Variants in TBC1D22A observed in about 807,000 individuals in gnomAD.
TBC1D22A encodes TBC1 domain family member 22A.
A neutral mutation model predicts 60.2 loss-of-function variants in TBC1D22A; 38 were observed. The observed-to-expected ratio is 0.63, with a 90% CI of 0.49 to 0.83. The LOEUF (loss-of-function observed/expected upper bound fraction) is 0.83, where lower values mean the gene tolerates loss of function less well. Among genes scored for constraint, TBC1D22A ranks in the 40% least tolerant of loss-of-function variants. TBC1D22A has a pLI of 0.00. For synonymous variants in TBC1D22A, 302 were observed against 281.7 expected, an observed-to-expected ratio of 1.07 and a Z score of -0.72; for missense variants, 628 against 701.0, an observed-to-expected ratio of 0.90 and a Z score of 1.18.
At chr22:46,952,935 C>T (rs1217316512) in intron 8 of TBC1D22A, among the ~76,000 whole-genome samples, 1 of 152,154 alleles carries the variant, frequency 6.6e-6, no homozygotes, top group African/African-American at 2.4e-5. Flanking sequence ...CGAGGGTGGT[C>T]TCGTCTTTGT....
At chr22:46,889,590 A>T (rs5769204) in intron 5 of TBC1D22A, among the ~76,000 whole-genome samples, 1 of 152,062 alleles carries the variant, frequency 6.6e-6, no homozygotes. Context: ...AACCGGAAAC[A>T]ACCGAAATGC....
At chr22:46,779,037 T>C (rs1206761109) in intron 1 of TBC1D22A, among the ~76,000 whole-genome samples, 2 of 152,140 alleles carry the variant, frequency 1.3e-5, no homozygotes, top group Non-Finnish European at 2.9e-5. Flanking sequence ...AGAGCAAAAC[T>C]CTGTCTCAAA....
chr22:47,164,214 C>G (rs1034301284), intron 12 of TBC1D22A, among the ~76,000 whole-genome samples: 4 of 152,222 alleles, frequency 2.6e-5, no homozygotes, highest in African/African-American at 4.8e-5. Context: ...GCAGGCCGTT[C>G]TCATTTGTAC....
intron 12 of TBC1D22A, among the ~76,000 whole-genome samples, chr22:47,155,108 C>T (rs528611131): frequency 5.3e-5 from 8 of 152,200 alleles, no homozygotes; most frequent in South Asian, 2.1e-4. Context: ...AAGTCTCAGC[C>T]GTGTGCCTAG....
chr22:46,861,155 G>T, intron 4 of TBC1D22A, among the ~76,000 whole-genome samples: 1 of 151,808 alleles, frequency 6.6e-6, no homozygotes, highest in East Asian at 1.9e-4. Context: ...ATGGAGTTTC[G>T]CCCTCTTGCC....
chr22:46,957,798 C>T (rs1371559936), intron 8 of TBC1D22A, among the ~76,000 whole-genome samples: 2 of 152,250 alleles, frequency 1.3e-5, no homozygotes, highest in African/African-American at 4.8e-5. Context: ...GATCACACCT[C>T]TTGCAGCCAC....
At chr22:46,957,911 G>A (rs1451850867) in intron 8 of TBC1D22A, among the ~76,000 whole-genome samples, 1 of 152,180 alleles carries the variant, frequency 6.6e-6, no homozygotes, top group Admixed American at 6.5e-5. Context: ...AGATGATGGA[G>A]GGTGGACTGG....
intron 12 of TBC1D22A, among the ~76,000 whole-genome samples, chr22:47,140,624 G>T (rs142594625): frequency 6.3e-4 from 96 of 152,282 alleles, no homozygotes; most frequent in African/African-American, 2.0e-3. Context: ...AGGAGACAAG[G>T]CTCGTTTATC....
At chr22:46,969,261 C>T (rs1342152490) in intron 8 of TBC1D22A, among the ~76,000 whole-genome samples, 1 of 152,100 alleles carries the variant, frequency 6.6e-6, no homozygotes, top group Non-Finnish European at 1.5e-5. Context: ...ATTGACATTC[C>T]CTTTTACTCT....
At chr22:46,767,748 A>G (rs2083334957) in intron 1 of TBC1D22A, among the ~76,000 whole-genome samples, 2 of 152,128 alleles carry the variant, frequency 1.3e-5, no homozygotes, top group South Asian at 4.1e-4. Flanking sequence ...GAACAGGCCA[A>G]CCAGGAGGCT....
At chr22:46,838,889 A>G (rs570370316) in intron 4 of TBC1D22A, among the ~76,000 whole-genome samples, 1 of 152,352 alleles carries the variant, frequency 6.6e-6, no homozygotes, top group East Asian at 1.9e-4. Context: ...AATCAGGTAT[A>G]GAAGGAATGT....
chr22:46,809,408 A>G (rs1219871385), intron 4 of TBC1D22A, among the ~76,000 whole-genome samples: 7 of 152,200 alleles, frequency 4.6e-5, no homozygotes, highest in Admixed American at 3.9e-4. Flanking sequence ...CCCTGTCTCT[A>G]GACACAGTCA....
At chr22:47,058,019 C>G (rs921919308) in intron 11 of TBC1D22A, among the ~76,000 whole-genome samples, 3 of 152,206 alleles carry the variant, frequency 2.0e-5, no homozygotes, top group African/African-American at 4.8e-5. Context: ...AGCGCAGGGC[C>G]TCGACCCCCC....
chr22:46,905,138 G>A (rs2069370100), intron 7 of TBC1D22A, among the ~76,000 whole-genome samples: 1 of 152,230 alleles, frequency 6.6e-6, no homozygotes, highest in South Asian at 2.1e-4. Context: ...AGGCACCACA[G>A]TACAAATCAG....
intron 9 of TBC1D22A, among the ~76,000 whole-genome samples, chr22:46,996,143 T>C (rs2075115298): frequency 3.3e-5 from 5 of 152,218 alleles, no homozygotes; most frequent in Admixed American, 3.3e-4. Flanking sequence ...TGCTGCCTGC[T>C]ACGAGCCAGC....
chr22:46,806,419 T>C (rs1413862175), intron 4 of TBC1D22A, among the ~76,000 whole-genome samples: 2 of 150,638 alleles, frequency 1.3e-5, no homozygotes, highest in African/African-American at 4.9e-5. Context: ...AAGTGCATAG[T>C]ACTGAAAGCT....
At chr22:47,079,387 G>A (rs1030321016) in intron 11 of TBC1D22A, among the ~76,000 whole-genome samples, 2 of 151,894 alleles carry the variant, frequency 1.3e-5, no homozygotes, top group African/African-American at 2.4e-5. Context: ...GTGCCCAGCC[G>A]GGACAGACAT....
intron 10 of TBC1D22A, among the ~76,000 whole-genome samples, chr22:47,029,823 A>G (rs1321682178): frequency 6.6e-6 from 1 of 152,172 alleles, no homozygotes; most frequent in African/African-American, 2.4e-5. Context: ...GGCCTTGGTG[A>G]GCGGCCACAG....
At chr22:46,932,193 A>G (rs2071390748) in intron 8 of TBC1D22A, among the ~76,000 whole-genome samples, 1 of 152,214 alleles carries the variant, frequency 6.6e-6, no homozygotes, top group African/African-American at 2.4e-5. Flanking sequence ...TAAGCAGGTC[A>G]TTACATGATC....
Sources: gnomAD v4.1 joint callset for allele counts (sites outside exome capture counted in the v4.1 genomes callset) on GRCh38, gnomAD v4.1.1 for gene constraint, MANE v1.5 for transcripts, NCBI Gene and HGNC (gene_info 2026-07-23, HGNC 2026-07-21) for gene names.